The following RAPGEF5 variants were observed in gnomAD, a reference collection of about 807,000 sequenced individuals.
RAPGEF5 encodes Rap guanine nucleotide exchange factor 5.
A neutral mutation model predicts 125.2 loss-of-function variants in RAPGEF5; 65 were observed. That is an observed-to-expected ratio of 0.52 (90% CI 0.43 to 0.64). The LOEUF (loss-of-function observed/expected upper bound fraction) is 0.64, where lower values mean the gene tolerates loss of function less well. Ranked by LOEUF, RAPGEF5 falls within the 30% of genes least tolerant of loss-of-function variation. RAPGEF5 has a pLI of 0.00. For missense variants in RAPGEF5, 958 were observed against 1,048.1 expected (o/e 0.91, Z 1.19); for synonymous variants, 391 against 385.9 (o/e 1.01, Z -0.16).
intron 11 of RAPGEF5, among the ~76,000 whole-genome samples, chr7:22,177,313 C>A (rs1203815947): frequency 2.6e-5 from 4 of 152,308 alleles, no homozygotes; most frequent in Non-Finnish European, 5.9e-5. Flanking sequence ...ATGTCATTGG[C>A]CTTGAGTCAC....
At chr7:22,339,902 G>A (rs1435817709) in intron 1 of RAPGEF5, among the ~76,000 whole-genome samples, 1 of 152,164 alleles carries the variant, frequency 6.6e-6, no homozygotes, top group Non-Finnish European at 1.5e-5. Flanking sequence ...CAACACATTT[G>A]TAACTCTCCA....
chr7:22,157,927 C>T, intron 14 of RAPGEF5, 42 bp from the exon 15 acceptor site: 1 of 1,562,746 alleles, frequency 6.4e-7, no homozygotes, highest in Non-Finnish European at 8.8e-7. Flanking sequence ...TGTCTCAAAC[C>T]CAGAATAATG....
At chr7:22,255,365 G>A (rs1202751301) in intron 7 of RAPGEF5, among the ~76,000 whole-genome samples, 1 of 152,058 alleles carries the variant, frequency 6.6e-6, no homozygotes, top group Admixed American at 6.5e-5. Context: ...AAGGCGGGAG[G>A]ACTGCTTGAG....
At chr7:22,211,963 C>CTT (rs749576250) in intron 9 of RAPGEF5, among the ~76,000 whole-genome samples, 44,597 of 113,072 alleles carry the variant, frequency 0.39, 8,950 homozygotes, top group East Asian at 0.52. Context: ...CATGTGTTCT[C>CTT]TTTTTTTTTT....
intron 7 of RAPGEF5, among the ~76,000 whole-genome samples, chr7:22,235,708 T>G (rs1786169852): frequency 6.6e-6 from 1 of 152,086 alleles, no homozygotes; most frequent in African/African-American, 2.4e-5. Flanking sequence ...AATCAGCTAT[T>G]TTTTGTACCA....
chr7:22,305,342 T>C (rs1375639421), intron 5 of RAPGEF5, among the ~76,000 whole-genome samples: 1 of 152,208 alleles, frequency 6.6e-6, no homozygotes, highest in Non-Finnish European at 1.5e-5. Context: ...TGAAGCTTAT[T>C]CTCCTAAAAA....
chr7:22,277,629 G>A lies in RAPGEF5; in HGVS notation c.748-10617C>T, dbSNP rs779501376. Among the ~76,000 whole-genome samples, 48 of 152,082 alleles carry A rather than the reference G, an allele frequency of 3.2e-4. 1 individual carries two copies. Among genetic ancestry groups the A allele is most frequent in the Non-Finnish European group, 1.9e-4 (13 of 68,008 alleles). Reference sequence around the variant, plus strand: ...GTCATTGACAGAATCCAGTTCTTACGTCTGTAGGGCTGAGGTACCTGTTTC... The same window carrying A: ...GTCATTGACAGAATCCAGTTCTTACATCTGTAGGGCTGAGGTACCTGTTTC... On this transcript the variant is annotated intron_variant, in intron 6 of 25. Transcript: ENST00000665637.
chr7:22,125,935 G>T (rs1417374683), intron 24 of RAPGEF5, among the ~76,000 whole-genome samples: 2 of 152,142 alleles, frequency 1.3e-5, no homozygotes, highest in Non-Finnish European at 2.9e-5. Flanking sequence ...ATCACTTGAG[G>T]TCAGGAGTTT....
intron 18 of RAPGEF5, among the ~76,000 whole-genome samples, chr7:22,147,745 T>C (rs986480467): frequency 1.3e-5 from 2 of 152,220 alleles, no homozygotes; most frequent in African/African-American, 4.8e-5. Flanking sequence ...ATTTGGCATC[T>C]TTCCAAAATA....
Position 22,257,362 on chromosome 7 carries a change from T to C in RAPGEF5, c.796+9602A>G, listed in dbSNP as rs78325071. Among the ~76,000 whole-genome samples the C allele has an allele frequency of 9.3e-3, 1,422 of 152,372 alleles. 30 individuals are homozygous for C. Among genetic ancestry groups the C allele is most frequent in the African/African-American group, 0.032 (1,330 of 41,592 alleles). On this transcript the variant is annotated intron_variant, in intron 7 of 25. Transcript: ENST00000665637. ...CTTAATTAAGGCCATGCTTAATGGT[T>C]CTGCGTTTGATCACCTCCTAAAATC...
At chr7:22,142,204 G>A (rs1469094975) in intron 20 of RAPGEF5, among the ~76,000 whole-genome samples, 3 of 152,186 alleles carry the variant, frequency 2.0e-5, no homozygotes. Flanking sequence ...AGGCCCCACT[G>A]CTTATGCAAT....
intron 6 of RAPGEF5, among the ~76,000 whole-genome samples, chr7:22,270,043 G>T (rs1187604336): frequency 6.6e-6 from 1 of 152,244 alleles, no homozygotes; most frequent in Non-Finnish European, 1.5e-5. Context: ...AGGTACAAAA[G>T]AATGTGGGGG....
intron 1 of RAPGEF5, chr7:22,356,194 G>T: frequency 2.0e-6 from 2 of 985,422 alleles, no homozygotes; most frequent in Non-Finnish European, 2.4e-6. Flanking sequence ...CCAGGAAATC[G>T]TATCTGAACA....
At chr7:22,134,524 G>C (rs1033302976) in intron 23 of RAPGEF5, among the ~76,000 whole-genome samples, 7 of 152,312 alleles carry the variant, frequency 4.6e-5, no homozygotes, top group Non-Finnish European at 1.0e-4. Context: ...TTTTGGGGGG[G>C]AAACCACTAA....
intron 9 of RAPGEF5, among the ~76,000 whole-genome samples, chr7:22,201,857 A>T (rs2128128328): frequency 6.6e-6 from 1 of 152,308 alleles, no homozygotes; most frequent in Middle Eastern, 3.4e-3. Context: ...GGAGGGTAGA[A>T]GAGGGAGGAG....
rs1202462139 is a variant in RAPGEF5, at chr7:22,313,633, A to G, written c.389+1737T>C. Among the ~76,000 whole-genome samples the G allele has an allele frequency of 5.9e-5, 9 of 152,216 alleles. 1 individual carries two copies. In the East Asian group the frequency reaches 1.7e-3, roughly 29 times the overall value. On this transcript the variant is annotated intron_variant, in intron 3 of 25. Coordinates refer to ENST00000665637, the MANE Select transcript of RAPGEF5 (RefSeq NM_012294.5). ...TGAACCTGATTAATGTTCATCTCCC[A>G]ATCCTTTTTCAATCTCTATCCATGG...
intron 9 of RAPGEF5, among the ~76,000 whole-genome samples, chr7:22,204,304 G>A (rs909884908): frequency 6.6e-6 from 1 of 152,192 alleles, no homozygotes; most frequent in Non-Finnish European, 1.5e-5. Context: ...TTATGTCTGA[G>A]CAGACCCAGC....
At chr7:22,249,048 C>A (rs1035362391) in intron 7 of RAPGEF5, among the ~76,000 whole-genome samples, 3 of 152,156 alleles carry the variant, frequency 2.0e-5, no homozygotes, top group African/African-American at 7.2e-5. Context: ...AAAGCAAATG[C>A]TTCATTTTTA....
intron 5 of RAPGEF5, among the ~76,000 whole-genome samples, chr7:22,293,847 C>T (rs1007445263): frequency 1.3e-5 from 2 of 152,202 alleles, no homozygotes; most frequent in African/African-American, 2.4e-5. Flanking sequence ...TTCACCACTA[C>T]GGTCACTTTT....
Sources: allele counts gnomAD v4.1 joint callset (sites outside exome capture counted in the v4.1 genomes callset), GRCh38; gene constraint gnomAD v4.1.1; transcripts MANE v1.5; gene names NCBI Gene and HGNC (gene_info 2026-07-23, HGNC 2026-07-21).